Variants in PVT1 observed in about 807,000 individuals in gnomAD.
The protein encoded by PVT1 is Pvt1 oncogene, also known as CXCR4/PVT1 fusion.
intron 2 of PVT1, among the ~76,000 whole-genome samples, chr8:127,883,136 G>A (rs950190263): frequency 2.0e-5 from 3 of 151,228 alleles, no homozygotes; most frequent in Non-Finnish European, 4.4e-5. Flanking sequence ...AGAGAGGAAG[G>A]CACAGCCACA....
At chr8:127,825,304 G>T (rs1814775386) in intron 2 of PVT1, among the ~76,000 whole-genome samples, 1 of 152,062 alleles carries the variant, frequency 6.6e-6, no homozygotes, top group Non-Finnish European at 1.5e-5. Context: ...AATGCATGTT[G>T]TTCAGTTGTT....
chr8:127,891,334 G>C (rs1468333017), intron 3 of PVT1, among the ~76,000 whole-genome samples: 7 of 152,224 alleles, frequency 4.6e-5, no homozygotes, highest in African/African-American at 1.4e-4. Flanking sequence ...ATTAAGACAG[G>C]ATTGTTAATG....
intron 2 of PVT1, among the ~76,000 whole-genome samples, chr8:127,848,221 G>A (rs1006868256): frequency 1.3e-5 from 2 of 152,110 alleles, no homozygotes; most frequent in East Asian, 1.9e-4. Flanking sequence ...TTCTATTCAC[G>A]CGACTGATAT....
chr8:127,839,403 A>T (rs1814947227), intron 2 of PVT1, among the ~76,000 whole-genome samples: 1 of 151,980 alleles, frequency 6.6e-6, no homozygotes, highest in Admixed American at 6.6e-5. Flanking sequence ...TAAAAAAATT[A>T]GCCGGGCATG....
chr8:128,075,412 T>C (rs1397226498), intron 5 of PVT1, among the ~76,000 whole-genome samples: 6 of 151,504 alleles, frequency 4.0e-5, no homozygotes, highest in Non-Finnish European at 7.4e-5. Flanking sequence ...AATAGATCGA[T>C]GAATCATTAA....
At chr8:128,045,099 C>G (rs950785099) in intron 4 of PVT1, among the ~76,000 whole-genome samples, 2 of 152,180 alleles carry the variant, frequency 1.3e-5, no homozygotes, top group Non-Finnish European at 2.9e-5. Context: ...TACAGTTGTT[C>G]CATTGTTCCC....
chr8:128,005,181 A>C (rs980139357), intron 4 of PVT1, among the ~76,000 whole-genome samples: 1 of 152,132 alleles, frequency 6.6e-6, no homozygotes, highest in Non-Finnish European at 1.5e-5. Flanking sequence ...GGCAACTATC[A>C]CTAATAAGTT....
At chr8:127,803,152 G>A (rs1490063481) in intron 2 of PVT1, 1 of 126,028 alleles carries the variant, frequency 7.9e-6, no homozygotes, top group Non-Finnish European at 1.6e-5. Flanking sequence ...TTTTTAAGAC[G>A]GAGTCTCCTT....
intron 2 of PVT1, among the ~76,000 whole-genome samples, chr8:127,868,640 G>A (rs1815311143): frequency 6.6e-6 from 1 of 150,494 alleles, no homozygotes; most frequent in South Asian, 2.1e-4. Flanking sequence ...TCCACCCTCA[G>A]ATTATCCACC....
chr8:127,889,582 G>T (rs1362992055), intron 2 of PVT1, among the ~76,000 whole-genome samples: 1 of 152,076 alleles, frequency 6.6e-6, no homozygotes, highest in Non-Finnish European at 1.5e-5. Flanking sequence ...TGAAATGAGG[G>T]TTTCATACAT....
chr8:127,931,898 C>A (rs899651940), intron 3 of PVT1, among the ~76,000 whole-genome samples: 1 of 152,254 alleles, frequency 6.6e-6, no homozygotes, highest in Admixed American at 6.5e-5. Context: ...TAAGGCCCTG[C>A]GGCTGGTCCC....
chr8:128,046,696 C>G (rs772946703), intron 4 of PVT1, among the ~76,000 whole-genome samples: 3 of 152,232 alleles, frequency 2.0e-5, no homozygotes, highest in Non-Finnish European at 2.9e-5. Context: ...CTTTCACTCT[C>G]CATGCCACAC....
intron 4 of PVT1, among the ~76,000 whole-genome samples, chr8:128,000,326 A>G (rs1462165483): frequency 6.6e-6 from 1 of 152,196 alleles, no homozygotes; most frequent in Non-Finnish European, 1.5e-5. Flanking sequence ...CCAGGCAGGC[A>G]ACAAAAATAA....
chr8:128,061,289 C>T (rs1813827621), intron 4 of PVT1, among the ~76,000 whole-genome samples: 1 of 152,206 alleles, frequency 6.6e-6, no homozygotes, highest in South Asian at 2.1e-4. Flanking sequence ...CTTCACTTGG[C>T]ATAATGTTTT....
At chr8:127,950,751 T>G (rs1816496574) in intron 3 of PVT1, among the ~76,000 whole-genome samples, 1 of 152,138 alleles carries the variant, frequency 6.6e-6, no homozygotes, top group Non-Finnish European at 1.5e-5. Flanking sequence ...AAGATTCAGG[T>G]GCTCACAAGG....
intron 3 of PVT1, among the ~76,000 whole-genome samples, chr8:127,973,405 AT>A (rs1816786442): frequency 6.6e-6 from 1 of 152,214 alleles, no homozygotes; most frequent in Admixed American, 6.5e-5. Flanking sequence ...AAATGTCCCC[AT>A]TTTATGGATG....
rs182889979 is a variant in PVT1, at chr8:128,098,303, G to A, written n.1251+1649G>A. Among the ~76,000 whole-genome samples the A allele has an allele frequency of 4.3e-4, 65 of 152,282 alleles. 1 individual carries two copies. The East Asian group carries it at 0.011, about 27-fold the overall frequency. On this transcript the variant is annotated intron_variant and non_coding_transcript_variant, in intron 6 of 10. Transcript: ENST00000651587. ...CAGTGCTGGAGGCTTCAGAAATCTCGGGAGATTCTGAACTTCTAGGCGGAG... is the reference window on the plus strand; with the variant it reads ...CAGTGCTGGAGGCTTCAGAAATCTCAGGAGATTCTGAACTTCTAGGCGGAG...
At chr8:127,948,358 C>A (rs1172553651) in intron 3 of PVT1, 1 of 173,920 alleles carries the variant, frequency 5.7e-6, no homozygotes, top group East Asian at 1.4e-4. Flanking sequence ...GGAGAAAATT[C>A]ATAGATCCAT....
At chr8:128,005,506 C>T (rs911078283) in intron 4 of PVT1, among the ~76,000 whole-genome samples, 3 of 152,162 alleles carry the variant, frequency 2.0e-5, no homozygotes, top group Admixed American at 6.5e-5. Flanking sequence ...CTAGTCTTGT[C>T]GTCTTTCCCC....
Sources: allele counts gnomAD v4.1 joint callset (sites outside exome capture counted in the v4.1 genomes callset), GRCh38; gene constraint gnomAD v4.1.1; transcripts MANE v1.5; gene names NCBI Gene and HGNC (gene_info 2026-07-23, HGNC 2026-07-21).